Variants in FAM217A observed in about 807,000 individuals in gnomAD.
FAM217A encodes family with sequence similarity 217 member A.
FAM217A carries 13 observed loss-of-function variants against 18.5 expected under a neutral mutation model. That is an observed-to-expected ratio of 0.70 (90% CI 0.46 to 1.12). The LOEUF is 1.12. Among genes scored for constraint, FAM217A ranks in the 50% most tolerant of loss-of-function variants. The probability of loss-of-function intolerance (pLI) is 0.00; values close to 1 mark genes in which losing one functional copy is unlikely to be tolerated. For synonymous variants in FAM217A, 161 were observed against 202.8 expected, an observed-to-expected ratio of 0.79 and a Z score of 1.75; for missense variants, 560 against 575.4, an observed-to-expected ratio of 0.97 and a Z score of 0.27.
Position 4,074,708 on chromosome 6 carries a change from A to T in FAM217A, c.61-47T>A, listed in dbSNP as rs73351517. On this transcript the variant is annotated intron_variant, in intron 2 of 6. Transcript: ENST00000274673. Reference sequence around the variant, plus strand: ...GATAAACTTAACATTAAGAAAACATAAAAAGCTCAATAATTTCACATGTTC... The same window carrying T: ...GATAAACTTAACATTAAGAAAACATTAAAAGCTCAATAATTTCACATGTTC... 8,510 of 1,380,772 alleles carry T rather than the reference A, an allele frequency of 6.2e-3. 391 individuals are homozygous for T. In the African/African-American group the frequency reaches 0.11, roughly 17 times the overall value. 85.5% of individuals were successfully genotyped at this position (1,380,772 alleles called of 1,614,324 possible).
Position 4,073,454 on chromosome 6 carries a change from C to T in FAM217A, c.213G>A (p.Val71=), listed in dbSNP as rs2113864790. ...EQLMLEPNLS[V]HSQKSTQNSK... is the part of the protein sequence containing the mutation. ...CCACCTGTGTACTTTTTTGACTATG[C>T]ACCGACAAATTAGGTTCTAGCATCA... The change falls in exon 5 of 7, where the codon GTG becomes GTA. Residue 71 remains valine (V), a synonymous_variant. Coordinates refer to ENST00000274673, the MANE Select transcript of FAM217A (RefSeq NM_173563.3). 6.2e-7 allele frequency: 1 copy of T among 1,613,284 alleles called. No homozygotes were observed. The highest frequency in any genetic ancestry group is 8.5e-7 in the Non-Finnish European group (1 of 1,179,708).
chr6:4,085,311 A>AAAAAAAAAATATAT lies in FAM217A; in HGVS notation c.19-502_19-501insATATATTTTTTTTT, dbSNP rs377046907. Among the ~76,000 whole-genome samples the AAAAAAAAAATATAT allele has an allele frequency of 8.9e-3, 1,302 of 146,352 alleles. 10 individuals carry two copies. Among genetic ancestry groups the AAAAAAAAAATATAT allele is most frequent in the Non-Finnish European group, 0.015 (972 of 66,686 alleles). On this transcript the variant is annotated intron_variant, in intron 1 of 8. Coordinates refer to the FAM217A transcript ENST00000639338. ...AGAAGTGTTATTCATTGTAAAAAAA[A>AAAAAAAAAATATAT]ATATATATATATATATAAAATATGT...
chr6:4,085,303 T>TAAA (rs879633358), intron 1 of FAM217A, among the ~76,000 whole-genome samples: 182 of 142,138 alleles, frequency 1.3e-3, no homozygotes, highest in African/African-American at 4.2e-3. Context: ...TTATTCATTG[T>TAAA]AAAAAAAAAT....
chr6:4,069,591 G>T lies in FAM217A; in HGVS notation c.632C>A (p.Thr211Lys). 6.2e-7 allele frequency: 1 copy of T among 1,614,050 alleles called. No individual in the cohort carries two copies. Among genetic ancestry groups the T allele is most frequent in the South Asian group, 1.1e-5 (1 of 91,064 alleles). The change falls in exon 7 of 7, where the codon ACA becomes AAA. Residue 211 changes from threonine to lysine, a missense_variant. Physicochemically the swap from Thr to Lys is moderately conservative, Grantham distance 78 (BLOSUM62 -1). Coordinates refer to ENST00000274673, the MANE Select transcript of FAM217A (RefSeq NM_173563.3). ...AAAATAGCTGAGTAAAGTATCATTT[G>T]TCTTCTCATTTTCTGATAAATCACT... The part of the protein sequence containing the change: ...DESDLSENEK[T>K]NDTLLSYFKK...
upstream of FAM217A, chr6:4,087,231 C>T: frequency 9.8e-7 from 1 of 1,023,194 alleles, no homozygotes; most frequent in Non-Finnish European, 1.3e-6. Context: ...GCAAAGCTCT[C>T]AGTTTTCCCC....
chr6:4,073,199 A>G, intron 6 of FAM217A, 76 bp downstream of exon 6: 1 of 1,149,568 alleles, frequency 8.7e-7, no homozygotes, highest in Non-Finnish European at 1.3e-6. Flanking sequence ...TGGTCCTTGT[A>G]TTTCAAATAG....
chr6:4,078,198 CGA>C (rs1769984964), intron 1 of FAM217A, among the ~76,000 whole-genome samples: 1 of 151,838 alleles, frequency 6.6e-6, no homozygotes, highest in Non-Finnish European at 1.5e-5. Flanking sequence ...GGATTACAGG[CGA>C]GCACCACTAC....
chr6:4,079,103 G>C lies in FAM217A; in HGVS notation c.-286C>G. 2 of 351,714 alleles carry C rather than the reference G, an allele frequency of 5.7e-6. No individual in the cohort carries two copies. Among genetic ancestry groups the C allele is most frequent in the Admixed American group, 4.7e-5 (1 of 21,066 alleles). The allele number at this position is 351,714 out of a possible 1,614,324, so 21.8% of individuals were successfully genotyped here. On this transcript the variant is annotated 5_prime_UTR_variant, in exon 1 of 7. Transcript: ENST00000274673. ...GGCCCGGGGCCCAGAGAGACCTTCC[G>C]GGGCCGGGGCTGCGGCTCCGCGGGC...
At chr6:4,075,073 T>C (rs1212627869) in intron 2 of FAM217A, among the ~76,000 whole-genome samples, 3 of 152,224 alleles carry the variant, frequency 2.0e-5, no homozygotes, top group Non-Finnish European at 4.4e-5. Flanking sequence ...GGCTCATGCC[T>C]GTACTCCCAG....
In FAM217A at chr6:4,068,911, A is replaced by G; in HGVS notation, c.1312T>C (p.Trp438Arg). The change falls in exon 7 of 7, where the codon TGG (tryptophan) becomes CGG (arginine). Residue 438 changes from tryptophan (W) to arginine (R), a missense_variant. Trp to Arg is a moderately radical substitution (Grantham distance 101). Transcript: ENST00000274673. The stretch of plus-strand genomic sequence containing the variant: ...GGTGAAACTGGCATTGGAGACCTCC[A>G]TGGCAGACATCTTGTGGAGACCATT... The part of the protein sequence containing the change: ...VKMVSTRCLP[W>R]RSPMPVSPIP... 3 of 1,614,178 alleles carry G rather than the reference A, an allele frequency of 1.9e-6. No homozygotes were observed. The highest frequency in any genetic ancestry group is 1.1e-5 in the South Asian group (1 of 91,084).
At chr6:4,083,221 A>G (rs1004894931), upstream of FAM217A, among the ~76,000 whole-genome samples, 1 of 152,252 alleles carries the variant, frequency 6.6e-6, no homozygotes, top group Non-Finnish European at 1.5e-5. Context: ...TTAGTAGTCC[A>G]GTAAGCACAG....
At chr6:4,076,472 G>A (rs912987492) in intron 2 of FAM217A, among the ~76,000 whole-genome samples, 1 of 152,122 alleles carries the variant, frequency 6.6e-6, no homozygotes, top group African/African-American at 2.4e-5. Context: ...TACGATGTCT[G>A]GTGGATTTTT....
rs1448473800 is a variant in FAM217A at position 4,069,370 on chromosome 6, G to A, written c.853C>T (p.His285Tyr). 6.2e-7 allele frequency: 1 copy of A among 1,614,102 alleles called. No homozygotes were observed. Among genetic ancestry groups the A allele is most frequent in the Non-Finnish European group, 8.5e-7 (1 of 1,180,006 alleles). ...AGTTCCAGTAAACGAGTTATCAAGT[G>A]TTCAACAGAGGTTTCTGCAGGGTCC... Reference protein sequence around the residue: ...TVDPAETSVEHLITRLLELER... With the variant: ...TVDPAETSVEYLITRLLELER... Residue 285 changes from histidine (H) to tyrosine (Y), a missense_variant, in exon 7 of 7, where the codon CAC becomes TAC. His to Tyr is a moderately conservative substitution (Grantham distance 83, BLOSUM62 2). Transcript: ENST00000274673.
chr6:4,074,733 C>A, intron 2 of FAM217A, 72 bp from the exon 3 acceptor site: 1 of 1,164,574 alleles, frequency 8.6e-7, no homozygotes, highest in South Asian at 1.3e-5. Flanking sequence ...TTCACATGTT[C>A]TTGGGGTAAA....
Position 4,078,904 on chromosome 6 carries a change from G to A in FAM217A, c.-87C>T, listed in dbSNP as rs527874806. On this transcript the variant is annotated 5_prime_UTR_variant, in exon 1 of 7. Coordinates refer to ENST00000274673, the MANE Select transcript of FAM217A (RefSeq NM_173563.3). ...GCGTGCTCTCCCGGTGCGCCGCCCCGAGGCCCGAGCGCCTCCGCGTGCGTG... is the reference window on the plus strand; with the variant it reads ...GCGTGCTCTCCCGGTGCGCCGCCCCAAGGCCCGAGCGCCTCCGCGTGCGTG... 8 of 585,794 alleles carry A rather than the reference G, an allele frequency of 1.4e-5. No individual in the cohort carries two copies. Among genetic ancestry groups the A allele is most frequent in the African/African-American group, 1.4e-4 (7 of 51,444 alleles). 36.3% of individuals were successfully genotyped at this position (585,794 alleles called of 1,614,324 possible). A position where few individuals can be genotyped will look rare whatever the true frequency, so the allele number is the denominator to read the frequency against.
At position 4,073,337 on chromosome 6, in the gene FAM217A, AC is replaced by A. The variant is rs768032771; in HGVS notation, c.239del (p.Ser80IlefsTer19). ...SVHSQKSTQNSKQGIFQLWNC... is the reference protein window; with the variant it reads ...SVHSQKSTQNXKQGIFQLWNC... ...TCCATAATTGAAAGATCCCTTGTTT[AC>A]TATTCTGATGACAGAAAAATAATGG... is the stretch of plus-strand genomic sequence containing the variant. On this transcript the variant is annotated frameshift_variant, in exon 6 of 7. Coordinates refer to ENST00000274673, the MANE Select transcript of FAM217A (RefSeq NM_173563.3). LOFTEE classifies it high-confidence loss of function. 6.2e-7 allele frequency: 1 copy of A among 1,609,278 alleles called. No homozygotes were observed. The highest frequency in any genetic ancestry group is 8.5e-7 in the Non-Finnish European group (1 of 1,178,394).
In FAM217A at chr6:4,077,430, G is replaced by A. The variant is rs772596192; in HGVS notation, c.-16C>T. 5.0e-6 allele frequency: 8 copies of A among 1,614,040 alleles called. No individual in the cohort carries two copies. Among genetic ancestry groups the A allele is most frequent in the Non-Finnish European group, 6.8e-6 (8 of 1,179,906 alleles). ...TTCTCCCCATTTTGTTGTAGCTGTT[G>A]CTCTGTTTCCTTAAAATCCTACACA... On this transcript the variant is annotated 5_prime_UTR_variant, in exon 2 of 7. Coordinates refer to ENST00000274673, the MANE Select transcript of FAM217A (RefSeq NM_173563.3).
chr6:4,080,513 G>C (rs1045261751), upstream of FAM217A, among the ~76,000 whole-genome samples: 36 of 152,224 alleles, frequency 2.4e-4, no homozygotes, highest in Non-Finnish European at 4.6e-4. Context: ...GTAAGTGAAC[G>C]AACAAGATTT....
chr6:4,081,318 T>A (rs1770282231), upstream of FAM217A, among the ~76,000 whole-genome samples: 1 of 151,264 alleles, frequency 6.6e-6, no homozygotes, highest in East Asian at 1.9e-4. Context: ...TTATTTATTT[T>A]TTTGAGACAG....
Sources: allele counts gnomAD v4.1 joint callset (sites outside exome capture counted in the v4.1 genomes callset), GRCh38; gene constraint gnomAD v4.1.1; transcripts MANE v1.5; gene names NCBI Gene and HGNC (gene_info 2026-07-23, HGNC 2026-07-21).